Variants in KAZN observed in about 807,000 individuals in gnomAD.
KAZN encodes kazrin.
Under a neutral mutation model 87.4 loss-of-function variants are expected in KAZN, and 40 were observed. The observed-to-expected ratio is 0.46, with a 90% CI of 0.36 to 0.60. The LOEUF (loss-of-function observed/expected upper bound fraction) is 0.60. Ranked by LOEUF, KAZN falls within the 20% of genes least tolerant of loss-of-function variation. The probability of loss-of-function intolerance (pLI) is 0.00; values close to 1 mark genes in which losing one functional copy is unlikely to be tolerated. For missense variants in KAZN, 898 were observed against 1,073.9 expected, an observed-to-expected ratio of 0.84 and a Z score of 2.29; for synonymous variants, 466 against 458.3, an observed-to-expected ratio of 1.02 and a Z score of -0.22.
chr1:14,487,414 C>T (rs1262351265), intron 2 of KAZN, among the ~76,000 whole-genome samples: 1 of 152,186 alleles, frequency 6.6e-6, no homozygotes, highest in Admixed American at 6.5e-5. Context: ...AAAAATCTCC[C>T]TCTACCCACC....
intron 2 of KAZN, among the ~76,000 whole-genome samples, chr1:14,534,076 C>G (rs1672352357): frequency 6.6e-6 from 1 of 152,088 alleles, no homozygotes. Context: ...CCCAATGAAA[C>G]CCTTTCTGAA....
At chr1:15,062,179 C>G (rs1638853937) in intron 6 of KAZN, 1 of 152,238 alleles carries the variant, frequency 6.6e-6, no homozygotes, top group African/African-American at 2.4e-5. Flanking sequence ...TGACCCAGTC[C>G]TAGTCTTTTG....
intron 1 of KAZN, among the ~76,000 whole-genome samples, chr1:14,750,044 G>C (rs1389433533): frequency 2.0e-5 from 3 of 152,114 alleles, no homozygotes; most frequent in Non-Finnish European, 4.4e-5. Flanking sequence ...GCAAAAACCA[G>C]TGACATCTGA....
At chr1:13,955,515 T>C (rs1016376610) in intron 1 of KAZN, among the ~76,000 whole-genome samples, 22 of 152,114 alleles carry the variant, frequency 1.4e-4, no homozygotes, top group Non-Finnish European at 1.5e-4. Flanking sequence ...ACTTTAGGGA[T>C]TTTGGTCTTT....
At chr1:14,984,618 C>G (rs1666589527) in intron 2 of KAZN, among the ~76,000 whole-genome samples, 1 of 152,126 alleles carries the variant, frequency 6.6e-6, no homozygotes, top group Admixed American at 6.6e-5. Flanking sequence ...GTGCCCACAT[C>G]TCTCTATTTC....
At chr1:14,785,622 T>C (rs1645488651) in intron 1 of KAZN, among the ~76,000 whole-genome samples, 1 of 152,110 alleles carries the variant, frequency 6.6e-6, no homozygotes, top group Non-Finnish European at 1.5e-5. Context: ...TACAGTTACC[T>C]CTCTATCATT....
intron 2 of KAZN, among the ~76,000 whole-genome samples, chr1:14,234,408 A>C (rs1553148359): frequency 9.4e-6 from 1 of 106,114 alleles, no homozygotes; most frequent in Admixed American, 1.0e-4. Flanking sequence ...CTGTTAGGGG[A>C]TGGGGGGCTA....
At chr1:13,985,190 T>A (rs1053733009) in intron 1 of KAZN, among the ~76,000 whole-genome samples, 8 of 152,148 alleles carry the variant, frequency 5.3e-5, no homozygotes, top group Non-Finnish European at 1.0e-4. Flanking sequence ...TTATTCCTTT[T>A]TATAAAGCTG....
At chr1:14,146,571 A>G (rs557394440) in intron 1 of KAZN, among the ~76,000 whole-genome samples, 40 of 151,336 alleles carry the variant, frequency 2.6e-4, no homozygotes, top group African/African-American at 8.7e-4. Flanking sequence ...AAGAAAAGAA[A>G]GAAAGAAAGA....
intron 8 of KAZN, among the ~76,000 whole-genome samples, chr1:15,090,750 A>T (rs12564054): frequency 0.094 from 14,242 of 152,274 alleles, 1,338 homozygotes; most frequent in East Asian, 0.54. Flanking sequence ...TACTTGTCCC[A>T]GCACGGACAG....
intron 1 of KAZN, among the ~76,000 whole-genome samples, chr1:14,651,521 A>G (rs1045399085): frequency 6.6e-6 from 1 of 152,218 alleles, no homozygotes; most frequent in African/African-American, 2.4e-5. Flanking sequence ...GTGAATCATT[A>G]GAGGTCAGAG....
intron 2 of KAZN, among the ~76,000 whole-genome samples, chr1:14,298,991 G>A (rs578240685): frequency 1.1e-4 from 16 of 152,306 alleles, no homozygotes; most frequent in Admixed American, 5.9e-4. Flanking sequence ...TGCCTGTGCC[G>A]TTAGGAGGTG....
rs557570322 is a variant in KAZN, at chr1:14,957,574, G to T, written c.227-3110G>T. Among the ~76,000 whole-genome samples, 17 of 152,346 alleles carry T rather than the reference G, an allele frequency of 1.1e-4. 1 individual carries two copies. Among genetic ancestry groups the T allele is most frequent in the African/African-American group, 4.1e-4 (17 of 41,570 alleles). On this transcript the variant is annotated intron_variant, in intron 1 of 14. Coordinates refer to ENST00000376030, the MANE Select transcript of KAZN (RefSeq NM_201628.3). ...CCACGTCACTACGGGGTTTTGTCCG[G>T]GTTGCCTGCCGTGCTGTTGACGCTG...
At chr1:14,892,526 G>A (rs959930986) in intron 1 of KAZN, among the ~76,000 whole-genome samples, 1 of 151,732 alleles carries the variant, frequency 6.6e-6, no homozygotes, top group African/African-American at 2.4e-5. Flanking sequence ...TCCCCTGACA[G>A]CCCATGGGAG....
In KAZN at chr1:14,340,926, C is replaced by T. The variant is rs182631408; in HGVS notation, c.249+160334C>T. On this transcript the variant is annotated intron_variant, in intron 2 of 16. Coordinates refer to the KAZN transcript ENST00000636203. The stretch of plus-strand genomic sequence containing the variant: ...TTTTTGAGATGGAGTCTCACTCTGT[C>T]GCCCAGGCTGGAGTGCAGTGGCACA... 5.4e-4 allele frequency among the ~76,000 whole-genome samples: 62 copies of T among 114,304 alleles called. No homozygotes were observed. The East Asian group carries it at 0.012, about 22-fold the overall frequency. 75.0% of individuals were successfully genotyped at this position (114,304 alleles called of 152,430 possible).
At position 14,136,084 on chromosome 1, in the gene KAZN, G is replaced by A. The variant is rs370912135; in HGVS notation, c.92-44351G>A. Among the ~76,000 whole-genome samples, 202 of 152,160 alleles carry A rather than the reference G, an allele frequency of 1.3e-3. 1 individual carries two copies. The highest frequency in any genetic ancestry group is 4.7e-3 in the African/African-American group (196 of 41,516). ...GAAAGGAGACCCTGGGGAAGAGGAGGGTCTTTGTGGAAAACCCATCAAGGC... is the reference window on the plus strand; with the variant it reads ...GAAAGGAGACCCTGGGGAAGAGGAGAGTCTTTGTGGAAAACCCATCAAGGC... On this transcript the variant is annotated intron_variant, in intron 1 of 16. Coordinates refer to the KAZN transcript ENST00000636203.
chr1:14,177,792 G>GT, intron 1 of KAZN, among the ~76,000 whole-genome samples: 1 of 122,786 alleles, frequency 8.1e-6, no homozygotes, highest in Non-Finnish European at 1.6e-5. Flanking sequence ...CTGTGTGTGT[G>GT]TGTTTTTTTT....
chr1:14,295,831 T>C (rs1247402865), intron 2 of KAZN, among the ~76,000 whole-genome samples: 3 of 152,234 alleles, frequency 2.0e-5, no homozygotes, highest in Non-Finnish European at 4.4e-5. Context: ...TTGCTTATTT[T>C]GGTTTGCAGT....
intron 2 of KAZN, among the ~76,000 whole-genome samples, chr1:14,255,119 C>CAAAAAAAAAAAAAAAAAAA (rs71570191): frequency 1.2e-5 from 1 of 83,758 alleles, no homozygotes; most frequent in Non-Finnish European, 2.6e-5. Context: ...GACTCTGTCT[C>CAAAAAAAAAAAAAAAAAAA]AAAAAAAAAA....
Sources: allele counts gnomAD v4.1 joint callset (sites outside exome capture counted in the v4.1 genomes callset), GRCh38; gene constraint gnomAD v4.1.1; transcripts MANE v1.5; gene names NCBI Gene and HGNC (gene_info 2026-07-23, HGNC 2026-07-21).